The following MAP2K6 variants were observed in gnomAD, a reference collection of about 807,000 sequenced individuals.
MAP2K6 encodes mitogen-activated protein kinase kinase 6, also known as dual specificity mitogen-activated protein kinase kinase 6.
In MAP2K6, 16 loss-of-function variants were observed where a neutral mutation model predicts 53.7. That is an observed-to-expected ratio of 0.30 (90% CI 0.20 to 0.45). The LOEUF (loss-of-function observed/expected upper bound fraction) is 0.45. Among genes scored for constraint, MAP2K6 ranks in the 20% least tolerant of loss-of-function variants. MAP2K6 has a pLI of 1.00. For missense variants in MAP2K6, 204 were observed against 411.9 expected, an observed-to-expected ratio of 0.50 and a Z score of 4.37; for synonymous variants, 132 against 143.1, an observed-to-expected ratio of 0.92 and a Z score of 0.55.
Position 69,496,292 on chromosome 17 carries a change from G to T in MAP2K6, c.17-9488G>T, listed in dbSNP as rs547991611. ...TTCCCTTCTTTTTTTTTTTTTTTGA[G>T]AGGGAGTCTTGCTCTGTCTCCCAGG... On this transcript the variant is annotated intron_variant, in intron 1 of 11. Coordinates refer to ENST00000590474, the MANE Select transcript of MAP2K6 (RefSeq NM_002758.4). 1.6e-3 allele frequency among the ~76,000 whole-genome samples: 206 copies of T among 128,160 alleles called. 1 individual carries two copies. Among genetic ancestry groups the T allele is most frequent in the South Asian group, 4.0e-3 (17 of 4,252 alleles). 84.1% of individuals were successfully genotyped at this position (128,160 alleles called of 152,430 possible). A position where few individuals can be genotyped will look rare whatever the true frequency, so the allele number is the denominator to read the frequency against.
chr17:69,552,859 C>A lies in MAP2K6; in HGVS notation c.*11106C>A, dbSNP rs546817033. 2.0e-4 allele frequency: 30 copies of A among 149,996 alleles called. No homozygotes were observed. The highest frequency in any genetic ancestry group is 7.3e-4 in the African/African-American group (30 of 40,886). The allele number at this position is 149,996 out of a possible 1,614,324, so 9.3% of individuals were successfully genotyped here. A position where few individuals can be genotyped will look rare whatever the true frequency, so the allele number is the denominator to read the frequency against. ...CCCAGGTTGTGTGCATTTTTTTTTT[C>A]ATTTGAACTATTGTTTATCATTATT... is the stretch of plus-strand genomic sequence containing the variant. On this transcript the variant is annotated 3_prime_UTR_variant, in exon 12 of 12. Coordinates refer to ENST00000590474, the MANE Select transcript of MAP2K6 (RefSeq NM_002758.4).
chr17:69,481,887 C>CA (rs1486872426), intron 1 of MAP2K6, among the ~76,000 whole-genome samples: 3 of 152,248 alleles, frequency 2.0e-5, no homozygotes, highest in Non-Finnish European at 4.4e-5. Flanking sequence ...CATGATACCC[C>CA]ACTTTCAATT....
chr17:69,475,054 C>T (rs1908098646), intron 1 of MAP2K6, among the ~76,000 whole-genome samples: 3 of 152,092 alleles, frequency 2.0e-5, no homozygotes, highest in African/African-American at 7.2e-5. Flanking sequence ...GATTCCTGCC[C>T]TCAAAGCAGA....
chr17:69,515,616 G>A (rs567049527), intron 2 of MAP2K6, among the ~76,000 whole-genome samples: 4 of 152,286 alleles, frequency 2.6e-5, no homozygotes, highest in African/African-American at 7.2e-5. Context: ...AAATACTCAG[G>A]AAGTGACTAT....
chr17:69,432,330 C>G (rs751917553), intron 1 of MAP2K6, among the ~76,000 whole-genome samples: 35 of 152,306 alleles, frequency 2.3e-4, no homozygotes, highest in Admixed American at 3.3e-4. Flanking sequence ...ATAAATCACT[C>G]TATTATGAAG....
At chr17:69,463,836 G>A (rs1369457806) in intron 1 of MAP2K6, among the ~76,000 whole-genome samples, 1 of 151,810 alleles carries the variant, frequency 6.6e-6, no homozygotes, top group East Asian at 2.0e-4. Flanking sequence ...TGGCCAACAT[G>A]ATGAAACCCC....
intron 1 of MAP2K6, among the ~76,000 whole-genome samples, chr17:69,487,537 T>G (rs1354484003): frequency 6.6e-6 from 1 of 152,252 alleles, no homozygotes; most frequent in African/African-American, 2.4e-5. Flanking sequence ...CCAGACATAT[T>G]TATTGAGCAT....
In MAP2K6 at chr17:69,476,496, T is replaced by G. The variant is rs189410360; in HGVS notation, c.17-29284T>G. The stretch of plus-strand genomic sequence containing the variant: ...ATGAGGTGGTATATGAGAAAACTCA[T>G]GGAGTCCCTACTCATACACTCATTG... On this transcript the variant is annotated intron_variant, in intron 1 of 11. Coordinates refer to ENST00000590474, the MANE Select transcript of MAP2K6 (RefSeq NM_002758.4). 4.5e-3 allele frequency among the ~76,000 whole-genome samples: 680 copies of G among 152,352 alleles called. 2 individuals carry two copies. Among genetic ancestry groups the G allele is most frequent in the Non-Finnish European group, 7.3e-3 (499 of 68,022 alleles).
intron 1 of MAP2K6, among the ~76,000 whole-genome samples, chr17:69,455,597 C>T (rs892172432): frequency 1.3e-5 from 2 of 152,048 alleles, no homozygotes; most frequent in Non-Finnish European, 2.9e-5. Context: ...CTGTCAAAGG[C>T]GGGGCATTAT....
intron 1 of MAP2K6, among the ~76,000 whole-genome samples, chr17:69,482,298 A>T (rs1005359937): frequency 6.6e-6 from 1 of 151,972 alleles, no homozygotes. Context: ...ATGGTATGTG[A>T]TTTATTATTT....
At chr17:69,491,564 A>G (rs539710912) in intron 1 of MAP2K6, among the ~76,000 whole-genome samples, 25 of 152,262 alleles carry the variant, frequency 1.6e-4, no homozygotes, top group Non-Finnish European at 3.2e-4. Context: ...AATGATTTCT[A>G]TTCCTCTGGA....
At chr17:69,514,164 A>G (rs1016594241) in intron 2 of MAP2K6, among the ~76,000 whole-genome samples, 2 of 152,056 alleles carry the variant, frequency 1.3e-5, no homozygotes, top group Non-Finnish European at 2.9e-5. Flanking sequence ...TTTGTTGTTT[A>G]TATTAGTCAC....
chr17:69,541,780 C>A lies in MAP2K6; in HGVS notation c.*27C>A. On this transcript the variant is annotated 3_prime_UTR_variant, in exon 12 of 12. Coordinates refer to ENST00000590474, the MANE Select transcript of MAP2K6 (RefSeq NM_002758.4). ...AAGCAGTGGACTTAATCGGTTGACC[C>A]TACTGTGGATTGGTGGGTTTCGGGG... The A allele has an allele frequency of 6.3e-7, 1 of 1,585,258 alleles. No individual in the cohort carries two copies. The highest frequency in any genetic ancestry group is 8.7e-7 in the Non-Finnish European group (1 of 1,155,746).
At chr17:69,529,865 T>C (rs1435584054) in intron 10 of MAP2K6, among the ~76,000 whole-genome samples, 1 of 152,188 alleles carries the variant, frequency 6.6e-6, no homozygotes, top group Non-Finnish European at 1.5e-5. Flanking sequence ...GATACCGGCA[T>C]CATTGCTCTT....
intron 1 of MAP2K6, among the ~76,000 whole-genome samples, chr17:69,491,974 G>A (rs1471387594): frequency 6.6e-6 from 1 of 151,948 alleles, no homozygotes; most frequent in Admixed American, 6.6e-5. Flanking sequence ...GTGTCTGTTT[G>A]TGTCCTTTGC....
chr17:69,433,981 G>A (rs186909396), intron 1 of MAP2K6: 4 of 152,312 alleles, frequency 2.6e-5, no homozygotes, highest in South Asian at 2.1e-4. Context: ...AAGTGCTGCC[G>A]AGAGAGGGTT....
chr17:69,536,619 T>C (rs1415636975), intron 11 of MAP2K6, among the ~76,000 whole-genome samples: 2 of 152,218 alleles, frequency 1.3e-5, no homozygotes, highest in Non-Finnish European at 2.9e-5. Flanking sequence ...AAAATTTTGC[T>C]TTTTGTTTTC....
chr17:69,466,270 A>G (rs1907803375), intron 1 of MAP2K6, among the ~76,000 whole-genome samples: 1 of 150,200 alleles, frequency 6.7e-6, no homozygotes, highest in South Asian at 2.1e-4. Context: ...AGCCTGGGTG[A>G]CGGAGTGAGA....
rs1182774471 is a variant in MAP2K6 at position 69,546,721 on chromosome 17, A to G, written c.*4968A>G. 6.6e-6 allele frequency: 1 copy of G among 152,168 alleles called. No homozygotes were observed. Among genetic ancestry groups the G allele is most frequent in the Non-Finnish European group, 1.5e-5 (1 of 68,026 alleles). 9.4% of individuals were successfully genotyped at this position (152,168 alleles called of 1,614,324 possible). Reference sequence around the variant, plus strand: ...ATCTAGTAAAATGGATTAAATGTCAATTGTGCTGGGATTTTGCCTTAACAT... The same window carrying G: ...ATCTAGTAAAATGGATTAAATGTCAGTTGTGCTGGGATTTTGCCTTAACAT... On this transcript the variant is annotated 3_prime_UTR_variant, in exon 12 of 12. Coordinates refer to ENST00000590474, the MANE Select transcript of MAP2K6 (RefSeq NM_002758.4).
Sources: allele counts gnomAD v4.1 joint callset (sites outside exome capture counted in the v4.1 genomes callset), GRCh38; gene constraint gnomAD v4.1.1; transcripts MANE v1.5; gene names NCBI Gene and HGNC (gene_info 2026-07-23, HGNC 2026-07-21).